Variants in GRK5 observed in about 807,000 individuals in gnomAD.
GRK5 encodes the protein G protein-coupled receptor kinase 5.
GRK5 carries 40 observed loss-of-function variants against 78.4 expected under a neutral mutation model. The observed-to-expected ratio is 0.51, with a 90% CI of 0.40 to 0.66. The LOEUF (loss-of-function observed/expected upper bound fraction) is 0.66. Among genes scored for constraint, GRK5 ranks in the 30% least tolerant of loss-of-function variants. GRK5 has a pLI of 0.00. For missense variants in GRK5, 598 were observed against 759.9 expected (o/e 0.79, Z 2.50); for synonymous variants, 289 against 296.8 (o/e 0.97, Z 0.27).
At chr10:119,388,097 C>T (rs952473225) in intron 3 of GRK5, among the ~76,000 whole-genome samples, 1 of 152,028 alleles carries the variant, frequency 6.6e-6, no homozygotes, top group African/African-American at 2.4e-5. Flanking sequence ...GGACTACAGG[C>T]GCAGGCCACC....
intron 2 of GRK5, among the ~76,000 whole-genome samples, chr10:119,376,284 C>A (rs989860270): frequency 6.6e-6 from 1 of 152,226 alleles, no homozygotes; most frequent in African/African-American, 2.4e-5. Flanking sequence ...GTCCTCCATT[C>A]TTGGCCAGCT....
At chr10:119,417,227 G>A (rs1852475085) in intron 4 of GRK5, among the ~76,000 whole-genome samples, 1 of 152,202 alleles carries the variant, frequency 6.6e-6, no homozygotes, top group Non-Finnish European at 1.5e-5. Context: ...ATCCACACGT[G>A]CTTCCCGGAT....
intron 2 of GRK5, among the ~76,000 whole-genome samples, chr10:119,352,612 G>A (rs61414526): frequency 0.018 from 2,740 of 151,762 alleles, 86 homozygotes; most frequent in African/African-American, 0.061. Context: ...TAAGCTCCTG[G>A]GTCTGTTTTG....
intron 1 of GRK5, among the ~76,000 whole-genome samples, chr10:119,233,716 G>C (rs1317857525): frequency 6.6e-6 from 1 of 152,176 alleles, no homozygotes; most frequent in Non-Finnish European, 1.5e-5. Flanking sequence ...CAGCAGGCCA[G>C]AGACATGGGG....
chr10:119,215,623 A>G (rs1347175448), intron 1 of GRK5, among the ~76,000 whole-genome samples: 2 of 144,822 alleles, frequency 1.4e-5, no homozygotes, highest in Non-Finnish European at 3.0e-5. Context: ...AGGGACAATC[A>G]TGGATGGTGG....
chr10:119,323,669 A>C (rs1850624899), intron 1 of GRK5, among the ~76,000 whole-genome samples: 1 of 152,176 alleles, frequency 6.6e-6, no homozygotes, highest in African/African-American at 2.4e-5. Context: ...AGAGACGTCC[A>C]AGGTCTGGAT....
At chr10:119,310,027 C>T (rs1392399324) in intron 1 of GRK5, among the ~76,000 whole-genome samples, 1 of 152,108 alleles carries the variant, frequency 6.6e-6, no homozygotes, top group Non-Finnish European at 1.5e-5. Flanking sequence ...CTAGTGTCTC[C>T]GTGGCGCAGG....
At chr10:119,396,442 T>A (rs1036939749) in intron 3 of GRK5, among the ~76,000 whole-genome samples, 1 of 152,250 alleles carries the variant, frequency 6.6e-6, no homozygotes, top group Non-Finnish European at 1.5e-5. Context: ...CAGGGCTCCC[T>A]GCTGATTCTG....
intron 1 of GRK5, among the ~76,000 whole-genome samples, chr10:119,280,593 A>T (rs181771758): frequency 6.6e-6 from 1 of 152,296 alleles, no homozygotes; most frequent in Admixed American, 6.5e-5. Flanking sequence ...ATATTGGTGT[A>T]TAAGTACCTG....
intron 4 of GRK5, among the ~76,000 whole-genome samples, chr10:119,421,042 A>G (rs989823709): frequency 1.3e-5 from 2 of 152,170 alleles, no homozygotes; most frequent in Non-Finnish European, 2.9e-5. Context: ...GTTTCTCCCC[A>G]TGGCCCACCC....
intron 1 of GRK5, among the ~76,000 whole-genome samples, chr10:119,312,085 G>A (rs190331629): frequency 2.0e-5 from 3 of 151,982 alleles, no homozygotes; most frequent in Non-Finnish European, 4.4e-5. Context: ...TTTTGTTTTT[G>A]TATTTTTAGT....
chr10:119,383,539 G>A (rs1156248982), intron 3 of GRK5, among the ~76,000 whole-genome samples: 1 of 152,234 alleles, frequency 6.6e-6, no homozygotes, highest in Non-Finnish European at 1.5e-5. Flanking sequence ...AGAGGAAATG[G>A]TTGATTCTTT....
intron 2 of GRK5, among the ~76,000 whole-genome samples, chr10:119,356,475 T>C (rs1246346440): frequency 6.6e-6 from 1 of 152,240 alleles, no homozygotes; most frequent in African/African-American, 2.4e-5. Flanking sequence ...TCGTGGCTCA[T>C]GCTTTCTTGA....
chr10:119,359,084 A>G (rs1056208661), intron 2 of GRK5, among the ~76,000 whole-genome samples: 15 of 152,316 alleles, frequency 9.8e-5, no homozygotes, highest in African/African-American at 3.4e-4. Flanking sequence ...AGTTCAGTTC[A>G]TAACACACCC....
chr10:119,355,606 C>T (rs1211783671), intron 2 of GRK5, among the ~76,000 whole-genome samples: 1 of 152,148 alleles, frequency 6.6e-6, no homozygotes, highest in East Asian at 1.9e-4. Context: ...TGGCGAAACC[C>T]CTGTCTCTAT....
intron 15 of GRK5, among the ~76,000 whole-genome samples, chr10:119,454,486 G>A (rs1006830615): frequency 1.3e-5 from 2 of 152,246 alleles, no homozygotes; most frequent in Non-Finnish European, 2.9e-5. Flanking sequence ...CTCACGGGAT[G>A]CAGAGGGAAG....
In GRK5 at chr10:119,436,638, C is replaced by G; in HGVS notation, c.739-13C>G. The G allele has an allele frequency of 1.2e-6, 2 of 1,613,908 alleles. No homozygotes were observed. The highest frequency in any genetic ancestry group is 1.7e-6 in the Non-Finnish European group (2 of 1,179,886). On this transcript the variant is annotated splice_polypyrimidine_tract_variant and intron_variant, in intron 8 of 15. Coordinates refer to ENST00000392870, the MANE Select transcript of GRK5 (RefSeq NM_005308.3). ...GTCACAACCTCCCCATGGCACTGTT[C>G]TTGTGCTCCCAGGTCAACCTGGCCT...
At chr10:119,335,888 A>C (rs3740563) in intron 2 of GRK5, 129,981 of 152,246 alleles carry the variant, frequency 0.85, 55,972 homozygotes, top group Middle Eastern at 0.95. Context: ...TTTGCAGTTT[A>C]TTTGTGTATA....
intron 3 of GRK5, among the ~76,000 whole-genome samples, chr10:119,394,920 A>C (rs1163317251): frequency 2.7e-5 from 4 of 145,994 alleles, no homozygotes; most frequent in Non-Finnish European, 6.0e-5. Context: ...GGAAAAAGTC[A>C]AGAAGAAAGA....
Sources: allele counts gnomAD v4.1 joint callset (sites outside exome capture counted in the v4.1 genomes callset), GRCh38; gene constraint gnomAD v4.1.1; transcripts MANE v1.5; gene names NCBI Gene and HGNC (gene_info 2026-07-23, HGNC 2026-07-21).